The following ATP11C variants were observed in gnomAD, a reference collection of about 807,000 sequenced individuals.
The protein encoded by ATP11C is phospholipid-transporting ATPase IG.
Under a neutral mutation model 97.4 loss-of-function variants are expected in ATP11C, and 36 were observed. The observed-to-expected ratio is 0.37, with a 90% CI of 0.28 to 0.49. The LOEUF (loss-of-function observed/expected upper bound fraction) is 0.49. Among genes scored for constraint, ATP11C ranks in the 20% least tolerant of loss-of-function variants. The pLI, the probability that ATP11C is intolerant of heterozygous loss-of-function variation, is 0.98. For missense variants in ATP11C, 730 were observed against 824.6 expected, an observed-to-expected ratio of 0.89 and a Z score of 1.40; for synonymous variants, 275 against 290.9, an observed-to-expected ratio of 0.95 and a Z score of 0.56.
rs144425840 is a variant in ATP11C, at chrX:139,738,984, C to A, written c.3135-915G>T. Among the ~76,000 whole-genome samples the A allele has an allele frequency of 5.9e-3, 656 of 111,355 alleles. 2 individuals are homozygous for A. The highest frequency in any genetic ancestry group is 0.02 in the African/African-American group (602 of 30,679). On this transcript the variant is annotated intron_variant, in intron 27 of 29. Coordinates refer to ENST00000682941, the MANE Select transcript of ATP11C (RefSeq NM_001353812.2). ...TCATTTAAAAATTAATGTCTATGCA[C>A]CCTTATGTAACATGATAAAACTGAG...
intron 1 of ATP11C, among the ~76,000 whole-genome samples, chrX:139,896,394 A>G (rs2084804586): frequency 9.0e-6 from 1 of 111,065 alleles, no homozygotes; most frequent in South Asian, 3.8e-4. Flanking sequence ...AAAAACAAGG[A>G]AAGTCTGAGA....
chrX:139,906,051 G>C lies in ATP11C; in HGVS notation c.27+25965C>G, dbSNP rs187997840. On this transcript the variant is annotated intron_variant, in intron 1 of 29. Transcript: ENST00000682941. ...CCAAGTATGTGCAACACTCTTAACT[G>C]TGTGTGGCAGAAGAATCTTAGTCCC... Among the ~76,000 whole-genome samples the C allele has an allele frequency of 6.0e-4, 67 of 111,470 alleles. 1 individual carries two copies. Among genetic ancestry groups the C allele is most frequent in the Non-Finnish European group, 1.2e-3 (62 of 53,164 alleles).
At chrX:139,892,501 G>C in intron 1 of ATP11C, among the ~76,000 whole-genome samples, 1 of 111,601 alleles carries the variant, frequency 9.0e-6, no homozygotes, top group Non-Finnish European at 1.9e-5. Flanking sequence ...CCAACCACAG[G>C]TATGGGTCTA....
intron 1 of ATP11C, among the ~76,000 whole-genome samples, chrX:139,846,675 T>C (rs2083913182): frequency 9.0e-6 from 1 of 111,616 alleles, no homozygotes; most frequent in Admixed American, 9.5e-5. Context: ...AACATAATCA[T>C]AGATCATAAG....
intron 1 of ATP11C, among the ~76,000 whole-genome samples, chrX:139,885,219 G>C (rs1210738889): frequency 1.8e-5 from 2 of 110,204 alleles, no homozygotes; most frequent in Non-Finnish European, 3.8e-5. Flanking sequence ...TCCAAAGAGA[G>C]GCGATACCAT....
At position 139,860,478 on chromosome X, in the gene ATP11C, T is replaced by C. The variant is rs112668210; in HGVS notation, c.28-33655A>G. 9.9e-3 allele frequency among the ~76,000 whole-genome samples: 1,112 copies of C among 112,265 alleles called. 22 individuals are homozygous for C. Among genetic ancestry groups the C allele is most frequent in the African/African-American group, 0.034 (1,054 of 30,919 alleles). ...TTCAAATGCCTGTTTCTGGGTCTCATATATCCTGTACCTCATTTGAGGTTC... is the reference window on the plus strand; with the variant it reads ...TTCAAATGCCTGTTTCTGGGTCTCACATATCCTGTACCTCATTTGAGGTTC... On this transcript the variant is annotated intron_variant, in intron 1 of 29. Coordinates refer to ENST00000682941, the MANE Select transcript of ATP11C (RefSeq NM_001353812.2).
chrX:139,742,871 AAAAAAATATATATAT>A (rs1311670068), intron 26 of ATP11C, among the ~76,000 whole-genome samples: 59 of 22,372 alleles, frequency 2.6e-3, no homozygotes, highest in African/African-American at 4.7e-3. Context: ...AATTAAAAAA[AAAAAAATATATATAT>A]ATATATATAT....
intron 1 of ATP11C, among the ~76,000 whole-genome samples, chrX:139,931,061 A>C (rs1198896848): frequency 1.8e-5 from 2 of 111,907 alleles, no homozygotes; most frequent in Non-Finnish European, 3.8e-5. Flanking sequence ...GGCAGAAATA[A>C]AATCCTATTC....
At chrX:139,931,871 C>T (rs910379087) in intron 1 of ATP11C, 145 bp downstream of exon 1, 6 of 761,953 alleles carry the variant, frequency 7.9e-6, no homozygotes, top group African/African-American at 2.2e-5. Context: ...GCCTGGGCAC[C>T]GTGTTTCGGT....
At chrX:139,867,560 T>C (rs1336486491) in intron 1 of ATP11C, among the ~76,000 whole-genome samples, 2 of 111,830 alleles carry the variant, frequency 1.8e-5, no homozygotes, top group East Asian at 5.6e-4. Context: ...GTGGTGAATA[T>C]AACATCAGAG....
At chrX:139,803,668 T>C (rs913217830) in intron 6 of ATP11C, among the ~76,000 whole-genome samples, 1 of 105,937 alleles carries the variant, frequency 9.4e-6, no homozygotes, top group Non-Finnish European at 1.9e-5. Flanking sequence ...GCAAACATTT[T>C]CCAAACTACA....
At chrX:139,915,035 T>C (rs1374090123) in intron 1 of ATP11C, among the ~76,000 whole-genome samples, 2 of 112,011 alleles carry the variant, frequency 1.8e-5, no homozygotes, top group Non-Finnish European at 3.8e-5. Context: ...CTTACAACTA[T>C]AACAATTCCA....
chrX:139,743,456 C>T, intron 26 of ATP11C, 103 bp downstream of exon 26: 1 of 499,035 alleles, frequency 2.0e-6, no homozygotes, highest in Non-Finnish European at 3.3e-6. Flanking sequence ...AATAACAACC[C>T]ATAACAAGAA....
chrX:139,888,063 T>C (rs1482051797), intron 1 of ATP11C, among the ~76,000 whole-genome samples: 1 of 109,827 alleles, frequency 9.1e-6, no homozygotes, highest in African/African-American at 3.3e-5. Flanking sequence ...GGGAAAAACA[T>C]TTGCAAAACA....
chrX:139,895,985 G>A (rs2084799353), intron 1 of ATP11C, among the ~76,000 whole-genome samples: 1 of 111,296 alleles, frequency 9.0e-6, no homozygotes, highest in Non-Finnish European at 1.9e-5. Context: ...ACACTTAGAA[G>A]AAATAAGACC....
chrX:139,849,858 G>A (rs1184646147), intron 1 of ATP11C, among the ~76,000 whole-genome samples: 1 of 112,163 alleles, frequency 8.9e-6, no homozygotes. Flanking sequence ...GAAGTGGGTT[G>A]GTTATCATGA....
chrX:139,919,257 A>G (rs1486849007), intron 1 of ATP11C, among the ~76,000 whole-genome samples: 1 of 108,466 alleles, frequency 9.2e-6, no homozygotes, highest in Non-Finnish European at 1.9e-5. Context: ...AAACACACAC[A>G]TGGCTGGCGT....
rs181571563 is a variant in ATP11C, at chrX:139,917,911, G to A, written c.27+14105C>T. ...GCAGAGATTGCAGTGAGCAGAGATCGCAATACTGCACTTCAGCCTGGGCAG... is the reference window on the plus strand; with the variant it reads ...GCAGAGATTGCAGTGAGCAGAGATCACAATACTGCACTTCAGCCTGGGCAG... On this transcript the variant is annotated intron_variant, in intron 1 of 29. Coordinates refer to ENST00000682941, the MANE Select transcript of ATP11C (RefSeq NM_001353812.2). 5.9e-3 allele frequency among the ~76,000 whole-genome samples: 520 copies of A among 87,863 alleles called. 10 individuals carry two copies. Among genetic ancestry groups the A allele is most frequent in the African/African-American group, 0.022 (473 of 21,953 alleles). The allele number at this position is 87,863 out of a possible 115,157, so 76.3% of individuals were successfully genotyped here.
rs745890570 is a variant in ATP11C at position 139,787,259 on chromosome X, A to G, written c.1521-15T>C. 3.5e-6 allele frequency: 4 copies of G among 1,133,900 alleles called. No individual in the cohort carries two copies. In the Admixed American group the frequency reaches 1.0e-4, roughly 29 times the overall value. The allele number at this position is 1,133,900 out of a possible 1,213,427, so 93.4% of individuals were successfully genotyped here. A position where few individuals can be genotyped will look rare whatever the true frequency, so the allele number is the denominator to read the frequency against. On this transcript the variant is annotated splice_polypyrimidine_tract_variant and intron_variant, in intron 14 of 29. Coordinates refer to ENST00000682941, the MANE Select transcript of ATP11C (RefSeq NM_001353812.2). ...TGAACCCGTACCTATCAAAAACAAT[A>G]AAAAAGACCTTGTGTATCTCTAAAG...
Sources: allele counts gnomAD v4.1 joint callset (sites outside exome capture counted in the v4.1 genomes callset), GRCh38; gene constraint gnomAD v4.1.1; transcripts MANE v1.5; gene names NCBI Gene and HGNC (gene_info 2026-07-23, HGNC 2026-07-21).